The following LIMCH1 variants were observed in gnomAD, a reference collection of about 807,000 sequenced individuals.
The protein encoded by LIMCH1 is LIM and calponin homology domains 1, also known as LIM and calponin homology domains-containing protein 1.
Under a neutral mutation model 176.5 loss-of-function variants are expected in LIMCH1, and 113 were observed. The observed-to-expected ratio is 0.64, with a 90% CI of 0.55 to 0.75. The LOEUF is 0.75. Among genes scored for constraint, LIMCH1 ranks in the 30% least tolerant of loss-of-function variants. LIMCH1 has a pLI of 0.00. For missense variants in LIMCH1, 1,674 were observed against 1,814.9 expected (o/e 0.92, Z 1.41); for synonymous variants, 619 against 645.9 (o/e 0.96, Z 0.63).
chr4:41,626,344 T>A (rs2152845194), intron 7 of LIMCH1, among the ~76,000 whole-genome samples: 1 of 152,296 alleles, frequency 6.6e-6, no homozygotes, highest in African/African-American at 2.4e-5. Context: ...ATTAAGTGTC[T>A]ACTGGGTACT....
chr4:41,381,160 A>G (rs2055599462), intron 1 of LIMCH1, among the ~76,000 whole-genome samples: 1 of 152,236 alleles, frequency 6.6e-6, no homozygotes, highest in African/African-American at 2.4e-5. Context: ...TTAAACTAAT[A>G]TCTTAATATA....
chr4:41,386,694 G>A (rs1462378200), intron 1 of LIMCH1, among the ~76,000 whole-genome samples: 1 of 152,158 alleles, frequency 6.6e-6, no homozygotes, highest in East Asian at 1.9e-4. Flanking sequence ...CCATGACCTG[G>A]CGTCATGTGG....
chr4:41,613,022 G>C, intron 4 of LIMCH1: 1 of 1,551,976 alleles, frequency 6.4e-7, no homozygotes, highest in South Asian at 1.2e-5. Flanking sequence ...ATAAACAGGA[G>C]CAAAAGTTGC....
intron 1 of LIMCH1, among the ~76,000 whole-genome samples, chr4:41,442,289 G>C (rs1045015279): frequency 2.6e-5 from 4 of 151,876 alleles, no homozygotes; most frequent in Non-Finnish European, 5.9e-5. Flanking sequence ...AACAGAGCCA[G>C]ACCCTGTCTC....
chr4:41,642,185 C>G (rs2093850588), intron 14 of LIMCH1, among the ~76,000 whole-genome samples: 1 of 152,210 alleles, frequency 6.6e-6, no homozygotes, highest in African/African-American at 2.4e-5. Flanking sequence ...CTCCCATAAT[C>G]TACAAACTAC....
chr4:41,609,093 G>T (rs867844570), intron 4 of LIMCH1, among the ~76,000 whole-genome samples: 1 of 152,100 alleles, frequency 6.6e-6, no homozygotes, highest in Non-Finnish European at 1.5e-5. Flanking sequence ...AAGTGATACC[G>T]TGACTGGCCC....
chr4:41,502,951 C>T (rs2073583799), intron 2 of LIMCH1, among the ~76,000 whole-genome samples: 1 of 151,134 alleles, frequency 6.6e-6, no homozygotes, highest in East Asian at 1.9e-4. Flanking sequence ...CAGGTACAGA[C>T]ATAACTATAT....
chr4:41,405,942 G>A (rs1388212155), intron 1 of LIMCH1, among the ~76,000 whole-genome samples: 3 of 152,136 alleles, frequency 2.0e-5, no homozygotes, highest in Admixed American at 6.6e-5. Flanking sequence ...CTGCACGAAG[G>A]AAGATTTTGT....
intron 1 of LIMCH1, among the ~76,000 whole-genome samples, chr4:41,487,447 A>G (rs1022518520): frequency 6.6e-6 from 1 of 152,158 alleles, no homozygotes; most frequent in Non-Finnish European, 1.5e-5. Context: ...CTGCAAACAC[A>G]TGGTGCCTAT....
At chr4:41,362,107 C>A (rs1050186425) in intron 1 of LIMCH1, among the ~76,000 whole-genome samples, 4 of 152,218 alleles carry the variant, frequency 2.6e-5, no homozygotes, top group African/African-American at 9.6e-5. Context: ...ACCTGCTGAG[C>A]TTCCTGCAGA....
intron 1 of LIMCH1, among the ~76,000 whole-genome samples, chr4:41,546,332 T>C (rs2079389163): frequency 6.6e-6 from 1 of 151,888 alleles, no homozygotes; most frequent in South Asian, 2.1e-4. Context: ...AGAGATGGGG[T>C]TTCACCATGT....
At chr4:41,555,239 G>A (rs1197008957) in intron 1 of LIMCH1, among the ~76,000 whole-genome samples, 2 of 152,204 alleles carry the variant, frequency 1.3e-5, no homozygotes, top group Admixed American at 6.5e-5. Flanking sequence ...GTGTCCTACT[G>A]TTTTCATGGA....
chr4:41,646,475 TG>T lies in LIMCH1; in HGVS notation c.2412-9del. On this transcript the variant is annotated splice_polypyrimidine_tract_variant and intron_variant, in intron 16 of 31. Transcript: ENST00000503057. Reference sequence around the variant, plus strand: ...GTTGACTTTGTTATTGCTTCTCCCATGTCCTTTAGAGAGCGGAGAGAGAGAG... The same window carrying T: ...GTTGACTTTGTTATTGCTTCTCCCATTCCTTTAGAGAGCGGAGAGAGAGAG... 1 of 1,607,604 alleles carries T rather than the reference TG, an allele frequency of 6.2e-7. No homozygotes were observed. Among genetic ancestry groups the T allele is most frequent in the Non-Finnish European group, 8.5e-7 (1 of 1,175,956 alleles).
At chr4:41,499,616 G>A (rs1319438169) in intron 2 of LIMCH1, among the ~76,000 whole-genome samples, 19 of 152,134 alleles carry the variant, frequency 1.2e-4, no homozygotes, top group Admixed American at 7.2e-4. Context: ...TCAAGAGATC[G>A]AGTCCATCCT....
intron 1 of LIMCH1, among the ~76,000 whole-genome samples, chr4:41,414,289 C>T (rs2154125682): frequency 6.6e-6 from 1 of 152,202 alleles, no homozygotes; most frequent in Admixed American, 6.5e-5. Flanking sequence ...GAGTTCTTAG[C>T]ATGAGAGAAG....
chr4:41,649,392 C>T (rs376402416), intron 17 of LIMCH1, among the ~76,000 whole-genome samples: 1 of 151,906 alleles, frequency 6.6e-6, no homozygotes, highest in East Asian at 1.9e-4. Context: ...AGAGTGAGAC[C>T]CCGTCTCAAA....
intron 1 of LIMCH1, among the ~76,000 whole-genome samples, chr4:41,413,608 G>A (rs2059680736): frequency 6.6e-6 from 1 of 151,804 alleles, no homozygotes; most frequent in Non-Finnish European, 1.5e-5. Context: ...AGTGTCCTGG[G>A]ATAATAGATG....
chr4:41,413,756 G>T (rs1396509078), intron 1 of LIMCH1, among the ~76,000 whole-genome samples: 1 of 152,132 alleles, frequency 6.6e-6, no homozygotes, highest in Admixed American at 6.5e-5. Flanking sequence ...TTATGCTGTG[G>T]AGTGGTTAAT....
chr4:41,363,261 T>C (rs1192652432), intron 1 of LIMCH1, among the ~76,000 whole-genome samples: 2 of 152,118 alleles, frequency 1.3e-5, no homozygotes, highest in African/African-American at 4.8e-5. Flanking sequence ...ATGTAGTACT[T>C]AGGGGCAGTG....
Sources: gnomAD v4.1 joint callset for allele counts (sites outside exome capture counted in the v4.1 genomes callset) on GRCh38, gnomAD v4.1.1 for gene constraint, MANE v1.5 for transcripts, NCBI Gene and HGNC (gene_info 2026-07-23, HGNC 2026-07-21) for gene names.